The following CCDC178 variants were observed in gnomAD, a reference collection of about 807,000 sequenced individuals.
CCDC178 encodes the protein coiled-coil domain-containing protein 178.
In CCDC178, 126 loss-of-function variants were observed where a neutral mutation model predicts 117.4. The observed-to-expected ratio is 1.07, with a 90% CI of 0.93 to 1.24. The LOEUF (loss-of-function observed/expected upper bound fraction) is 1.24, where lower values mean the gene tolerates loss of function less well. Ranked by LOEUF, CCDC178 falls within the 50% of genes most tolerant of loss-of-function variation. CCDC178 has a pLI of 0.00. For synonymous variants in CCDC178, 283 were observed against 313.4 expected (o/e 0.90, Z 1.02); for missense variants, 1,030 against 986.9 (o/e 1.04, Z -0.59).
intron 15 of CCDC178, among the ~76,000 whole-genome samples, chr18:33,242,332 A>T (rs1461964976): frequency 6.6e-6 from 1 of 151,900 alleles, no homozygotes; most frequent in Non-Finnish European, 1.5e-5. Flanking sequence ...ATGCTTCAGA[A>T]CATTGGCCCA....
At chr18:33,073,509 A>ATCTC (rs1567971192) in intron 21 of CCDC178, among the ~76,000 whole-genome samples, 2 of 15,328 alleles carry the variant, frequency 1.3e-4, no homozygotes, top group Non-Finnish European at 3.0e-4. Flanking sequence ...GTCAGCATCT[A>ATCTC]TCTATCTATC....
intron 4 of CCDC178, among the ~76,000 whole-genome samples, chr18:33,391,154 T>C (rs1176818159): frequency 6.6e-6 from 1 of 151,082 alleles, no homozygotes; most frequent in African/African-American, 2.4e-5. Flanking sequence ...ATAAATAAAA[T>C]GTATACAATT....
rs377101943 is a variant in CCDC178, at chr18:32,985,841, T to A, written c.2389-11160A>T. 5.9e-5 allele frequency among the ~76,000 whole-genome samples: 9 copies of A among 152,130 alleles called. No individual in the cohort carries two copies. The East Asian group carries it at 1.2e-3, about 20-fold the overall frequency. ...CTGGATATTTGAAAACCTAAGCAGA[T>A]CTAGGTATTACTGGGCTATGTGACT... On this transcript the variant is annotated intron_variant, in intron 21 of 22. Transcript: ENST00000383096.
intron 3 of CCDC178, 50 bp downstream of exon 3, chr18:33,411,981 C>A: frequency 1.0e-6 from 1 of 967,344 alleles, no homozygotes; most frequent in Non-Finnish European, 1.6e-6. Context: ...ATGTGAATTC[C>A]ATTTATCTAT....
chr18:33,319,685 A>C (rs2062476056), intron 11 of CCDC178, among the ~76,000 whole-genome samples: 2 of 152,162 alleles, frequency 1.3e-5, no homozygotes, highest in African/African-American at 4.8e-5. Context: ...CTATTTCTCC[A>C]CATCCTGTCC....
At chr18:33,291,196 T>A (rs1304612055) in intron 12 of CCDC178, among the ~76,000 whole-genome samples, 1 of 151,968 alleles carries the variant, frequency 6.6e-6, no homozygotes, top group Non-Finnish European at 1.5e-5. Context: ...TTAAACAAGT[T>A]CACAAAAGGA....
intron 11 of CCDC178, among the ~76,000 whole-genome samples, chr18:33,293,821 G>A (rs1324102254): frequency 6.6e-6 from 1 of 152,088 alleles, no homozygotes; most frequent in Non-Finnish European, 1.5e-5. Flanking sequence ...GTCATCAATA[G>A]TATTGTTTCC....
At chr18:33,092,446 C>T in intron 21 of CCDC178, among the ~76,000 whole-genome samples, 1 of 151,836 alleles carries the variant, frequency 6.6e-6, no homozygotes. Flanking sequence ...ATCACCCACT[C>T]TTAGAATTGA....
At chr18:32,999,791 A>T (rs2055595049) in intron 21 of CCDC178, among the ~76,000 whole-genome samples, 2 of 152,140 alleles carry the variant, frequency 1.3e-5, no homozygotes, top group Non-Finnish European at 2.9e-5. Context: ...GCTTGGGGTG[A>T]TCCCTAATGT....
chr18:33,256,970 A>AGTT (rs1409613389), intron 14 of CCDC178, among the ~76,000 whole-genome samples: 1 of 150,590 alleles, frequency 6.6e-6, no homozygotes, highest in Non-Finnish European at 1.5e-5. Context: ...GTACAATCTG[A>AGTT]GTTCTATTTA....
chr18:33,092,226 G>T (rs2057477244), intron 21 of CCDC178, among the ~76,000 whole-genome samples: 1 of 151,994 alleles, frequency 6.6e-6, no homozygotes, highest in Non-Finnish European at 1.5e-5. Context: ...CTTCCTTTCT[G>T]ATTCATAGCA....
chr18:33,435,351 A>G (rs978711842), intron 2 of CCDC178, among the ~76,000 whole-genome samples: 14 of 152,188 alleles, frequency 9.2e-5, no homozygotes, highest in Non-Finnish European at 1.5e-5. Flanking sequence ...CAGTTCTATG[A>G]TTGCAGAAAA....
chr18:33,020,870 C>T (rs2056103067), intron 21 of CCDC178, among the ~76,000 whole-genome samples: 1 of 152,062 alleles, frequency 6.6e-6, no homozygotes, highest in East Asian at 1.9e-4. Context: ...GTGTGCACTA[C>T]TATTATTTGA....
rs569827433 is a variant in CCDC178, at chr18:33,254,625, A to G, written c.1410-9197T>C. On this transcript the variant is annotated intron_variant, in intron 14 of 22. Transcript: ENST00000383096. ...TGTAGACAAGGGAAGATAAGTTACC[A>G]ATAGGACAAGCTTCTGGGAATAGCT... Among the ~76,000 whole-genome samples, 23 of 152,150 alleles carry G rather than the reference A, an allele frequency of 1.5e-4. No individual in the cohort carries two copies. In the South Asian group the frequency reaches 4.6e-3, roughly 30 times the overall value.
chr18:33,080,995 A>T (rs2057288195), intron 21 of CCDC178, among the ~76,000 whole-genome samples: 1 of 152,186 alleles, frequency 6.6e-6, no homozygotes, highest in Admixed American at 6.5e-5. Flanking sequence ...GGAAAAAGAA[A>T]CACCTTATAG....
intron 21 of CCDC178, among the ~76,000 whole-genome samples, chr18:32,988,240 A>C (rs1310206433): frequency 1.3e-5 from 2 of 152,054 alleles, no homozygotes; most frequent in Admixed American, 6.5e-5. Flanking sequence ...GTTCAAGACC[A>C]GCCTGGCCAA....
intron 2 of CCDC178, among the ~76,000 whole-genome samples, chr18:33,436,605 A>G (rs371921981): frequency 1.3e-5 from 2 of 152,340 alleles, no homozygotes; most frequent in South Asian, 2.1e-4. Flanking sequence ...TGTAAAATGT[A>G]TTAACTAAAG....
chr18:33,173,645 T>C (rs2058630778), intron 20 of CCDC178, among the ~76,000 whole-genome samples: 1 of 152,230 alleles, frequency 6.6e-6, no homozygotes, highest in Non-Finnish European at 1.5e-5. Flanking sequence ...CTGAATTTCA[T>C]GAAAAGGGCA....
At chr18:33,087,672 T>C (rs566037502) in intron 21 of CCDC178, among the ~76,000 whole-genome samples, 27 of 152,102 alleles carry the variant, frequency 1.8e-4, no homozygotes, top group Non-Finnish European at 3.4e-4. Flanking sequence ...CAAATAGCTG[T>C]TACAGGGAAA....
Sources: allele counts gnomAD v4.1 joint callset (sites outside exome capture counted in the v4.1 genomes callset), GRCh38; gene constraint gnomAD v4.1.1; transcripts MANE v1.5; gene names NCBI Gene and HGNC (gene_info 2026-07-23, HGNC 2026-07-21).